The following FSTL5 variants were observed in gnomAD, a reference collection of about 807,000 sequenced individuals.
FSTL5 encodes the protein follistatin-related protein 5.
In FSTL5, 62 loss-of-function variants were observed where a neutral mutation model predicts 89.1. The observed-to-expected ratio is 0.70, with a 90% confidence interval of 0.57 to 0.86. The LOEUF is 0.86. FSTL5 is among the 40% of genes least tolerant of loss of function. The pLI is 0.00. For missense variants in FSTL5, 1,057 were observed against 1,001.6 expected (o/e 1.06, Z -0.75); for synonymous variants, 383 against 346.2 (o/e 1.11, Z -1.18).
chr4:161,796,045 T>A (rs1381439346), intron 4 of FSTL5, among the ~76,000 whole-genome samples: 2 of 151,924 alleles, frequency 1.3e-5, no homozygotes, highest in Non-Finnish European at 2.9e-5. Flanking sequence ...ATCAATTTTG[T>A]CTCATAGGTC....
At chr4:161,495,322 C>G (rs1730029238) in intron 12 of FSTL5, 1 of 152,086 alleles carries the variant, frequency 6.6e-6, no homozygotes, top group South Asian at 2.1e-4. Context: ...AGAAGAGTGA[C>G]AAAGTTGGTA....
chr4:161,881,209 T>C (rs1023491869), intron 4 of FSTL5, among the ~76,000 whole-genome samples: 23 of 148,886 alleles, frequency 1.5e-4, no homozygotes, highest in African/African-American at 5.1e-4. Context: ...ATAATATTAA[T>C]ATATTTAATA....
At chr4:161,830,162 T>C (rs1156554552) in intron 4 of FSTL5, among the ~76,000 whole-genome samples, 1 of 152,072 alleles carries the variant, frequency 6.6e-6, no homozygotes, top group Non-Finnish European at 1.5e-5. Flanking sequence ...CTTAAGGTCT[T>C]CACTTATGGT....
Position 162,125,460 on chromosome 4 carries a change from G to A in FSTL5, c.-16-14048C>T, listed in dbSNP as rs545958290. Among the ~76,000 whole-genome samples the A allele has an allele frequency of 5.9e-5, 9 of 152,102 alleles. No individual in the cohort carries two copies. The East Asian group carries it at 1.7e-3, about 29-fold the overall frequency. ...ACTATGGTTCTTGAAAAGTTTATTT[G>A]ATTTATAATTCTCTTTTGGTTAGAT... On this transcript the variant is annotated intron_variant, in intron 1 of 15. Transcript: ENST00000306100.
chr4:161,489,700 T>C (rs760215751), intron 12 of FSTL5, among the ~76,000 whole-genome samples: 2 of 152,144 alleles, frequency 1.3e-5, no homozygotes, highest in African/African-American at 2.4e-5. Context: ...AATTACCACA[T>C]AACACATGAA....
intron 4 of FSTL5, among the ~76,000 whole-genome samples, chr4:161,820,205 G>A (rs541447045): frequency 9.9e-5 from 15 of 151,996 alleles, no homozygotes; most frequent in African/African-American, 1.7e-4. Context: ...AAATAAGCTC[G>A]AATGTATTAT....
Position 161,587,504 on chromosome 4 carries a change from A to C in FSTL5, c.966T>G (p.Tyr322Ter). Residue 322 changes from tyrosine (Y) to a stop codon, truncating the protein, a stop_gained, in exon 8 of 16, where the codon TAT becomes TAG. Transcript: ENST00000306100. LOFTEE classifies it high-confidence loss of function. ...GATAGACTTGTTCATAGCCATCTGC[A>C]TAGCAGGTGTAATTGCCAACGTGAG... ...TTTHVGNYTCYADGYEQVYQT... is the reference protein window; with the variant it reads ...TTTHVGNYTC 6.2e-7 allele frequency: 1 copy of C among 1,612,544 alleles called. No individual in the cohort carries two copies. The highest frequency in any genetic ancestry group is 8.5e-7 in the Non-Finnish European group (1 of 1,178,734).
chr4:161,538,118 G>T (rs532641261), intron 10 of FSTL5, 48 bp downstream of exon 10: 4 of 1,577,976 alleles, frequency 2.5e-6, no homozygotes, highest in African/African-American at 1.4e-5. Flanking sequence ...CTGTAAAAAA[G>T]TACGTTGAAT....
chr4:161,800,793 G>A (rs1408118901), intron 4 of FSTL5, among the ~76,000 whole-genome samples: 2 of 151,500 alleles, frequency 1.3e-5, no homozygotes, highest in Non-Finnish European at 1.5e-5. Flanking sequence ...ATAATAGAGT[G>A]TTCTTCAGGA....
chr4:161,656,922 C>T (rs2126682786), intron 6 of FSTL5, among the ~76,000 whole-genome samples: 1 of 152,254 alleles, frequency 6.6e-6, no homozygotes, highest in African/African-American at 2.4e-5. Flanking sequence ...CATCTTTTTG[C>T]TGGGAAACCT....
intron 4 of FSTL5, among the ~76,000 whole-genome samples, chr4:161,838,249 C>A (rs1326620737): frequency 6.6e-6 from 1 of 152,088 alleles, no homozygotes; most frequent in African/African-American, 2.4e-5. Flanking sequence ...GGTGTTGTAC[C>A]TCTTTACCTT....
chr4:161,711,943 A>G (rs1367873858), intron 6 of FSTL5, among the ~76,000 whole-genome samples: 2 of 152,212 alleles, frequency 1.3e-5, no homozygotes, highest in African/African-American at 2.4e-5. Flanking sequence ...TGATAAATAT[A>G]ATCAGCAACT....
chr4:161,693,677 C>T (rs190936322), intron 6 of FSTL5, among the ~76,000 whole-genome samples: 141 of 103,362 alleles, frequency 1.4e-3, no homozygotes, highest in African/African-American at 4.8e-3. Flanking sequence ...CTCACTCTTT[C>T]GCCCAGGCCG....
At chr4:161,507,843 T>C (rs938800423) in intron 11 of FSTL5, among the ~76,000 whole-genome samples, 1 of 151,938 alleles carries the variant, frequency 6.6e-6, no homozygotes, top group Non-Finnish European at 1.5e-5. Context: ...AGGTTTAACA[T>C]TTATAGATGA....
chr4:161,399,767 T>C lies in FSTL5; in HGVS notation c.1842-13318A>G, dbSNP rs569277185. ...AACTGCTCACGTGGAGTGGAGATGA[T>C]TGCATTTTATGAGGATACTTGCAAC... On this transcript the variant is annotated intron_variant, in intron 15 of 15. Coordinates refer to ENST00000306100, the MANE Select transcript of FSTL5 (RefSeq NM_020116.5). Among the ~76,000 whole-genome samples the C allele has an allele frequency of 2.6e-5, 4 of 152,230 alleles. No homozygotes were observed. The East Asian group carries it at 7.7e-4, about 29-fold the overall frequency.
At chr4:161,648,685 T>A (rs568359271) in intron 7 of FSTL5, among the ~76,000 whole-genome samples, 129 of 144,728 alleles carry the variant, frequency 8.9e-4, no homozygotes, top group Non-Finnish European at 6.9e-4. Context: ...TTAAAAAAAA[T>A]AATGCAAAAC....
At chr4:161,631,632 A>G (rs1242335690) in intron 7 of FSTL5, among the ~76,000 whole-genome samples, 2 of 152,184 alleles carry the variant, frequency 1.3e-5, no homozygotes, top group Non-Finnish European at 2.9e-5. Context: ...AAATTAATAA[A>G]TAATTCAGAT....
At chr4:161,980,083 A>C (rs375676416) in intron 3 of FSTL5, among the ~76,000 whole-genome samples, 52 of 139,964 alleles carry the variant, frequency 3.7e-4, no homozygotes, top group East Asian at 1.9e-3. Flanking sequence ...GAAAGAAAGA[A>C]AGAAAAAAGA....
rs371843820 is a variant in FSTL5 at position 161,721,977 on chromosome 4, G to C, written c.727+37434C>G. On this transcript the variant is annotated intron_variant, in intron 6 of 15. Coordinates refer to ENST00000306100, the MANE Select transcript of FSTL5 (RefSeq NM_020116.5). ...TGTAAAATGACACAAAGGCTATCTA[G>C]TGAATTAAATTATAATTGGAGAGTG... Among the ~76,000 whole-genome samples the C allele has an allele frequency of 5.3e-5, 8 of 152,186 alleles. No homozygotes were observed. In the South Asian group the frequency reaches 1.5e-3, roughly 28 times the overall value.
Sources: allele counts gnomAD v4.1 joint callset (sites outside exome capture counted in the v4.1 genomes callset), GRCh38; gene constraint gnomAD v4.1.1; transcripts MANE v1.5; gene names NCBI Gene and HGNC (gene_info 2026-07-23, HGNC 2026-07-21).